MAP2K4: variants seen among roughly 807,000 people sequenced by gnomAD.
The protein encoded by MAP2K4 is dual specificity mitogen-activated protein kinase kinase 4.
MAP2K4 carries 4 observed loss-of-function variants against 48.5 expected under a neutral mutation model. The observed-to-expected ratio is 0.08, with a 90% CI of 0.04 to 0.19. The LOEUF is 0.19. Ranked by LOEUF, MAP2K4 falls within the 10% of genes least tolerant of loss-of-function variation. The probability of loss-of-function intolerance (pLI) is 1.00; values close to 1 mark genes in which losing one functional copy is unlikely to be tolerated. For missense variants in MAP2K4, 258 were observed against 493.3 expected (o/e 0.52, Z 4.52); for synonymous variants, 166 against 173.1 (o/e 0.96, Z 0.32).
In MAP2K4 at chr17:12,141,862, T is replaced by A. The variant is rs193245128; in HGVS notation, c.*602T>A. The A allele has an allele frequency of 4.3e-6, 1 of 233,574 alleles. No homozygotes were observed. The highest frequency in any genetic ancestry group is 8.5e-6 in the Non-Finnish European group (1 of 118,102). 14.5% of individuals were successfully genotyped at this position (233,574 alleles called of 1,614,324 possible). On this transcript the variant is annotated 3_prime_UTR_variant, in exon 11 of 11. Transcript: ENST00000353533. Reference sequence around the variant, plus strand: ...TCAGCCAAATTTCCTGTTTGAAATATCATGTTAAATTAGAATGAATTTATC... The same window carrying A: ...TCAGCCAAATTTCCTGTTTGAAATAACATGTTAAATTAGAATGAATTTATC...
At chr17:12,042,232 A>G (rs1364916111) in intron 1 of MAP2K4, among the ~76,000 whole-genome samples, 2 of 151,824 alleles carry the variant, frequency 1.3e-5, no homozygotes, top group Non-Finnish European at 2.9e-5. Flanking sequence ...GGCTCTCTAA[A>G]TGGTCTTAAT....
At chr17:12,095,085 G>A (rs191769941) in intron 3 of MAP2K4, among the ~76,000 whole-genome samples, 12 of 152,216 alleles carry the variant, frequency 7.9e-5, no homozygotes, top group Admixed American at 3.9e-4. Flanking sequence ...ACTATTTCCC[G>A]TCTTTATGAA....
chr17:12,123,671 A>G (rs1033431067), intron 7 of MAP2K4, among the ~76,000 whole-genome samples: 2 of 152,064 alleles, frequency 1.3e-5, no homozygotes, highest in African/African-American at 2.4e-5. Flanking sequence ...ATTTTACACT[A>G]TACATTTTCT....
At chr17:12,106,675 C>T (rs1351313459) in intron 4 of MAP2K4, among the ~76,000 whole-genome samples, 1 of 151,998 alleles carries the variant, frequency 6.6e-6, no homozygotes, top group Non-Finnish European at 1.5e-5. Context: ...AAATAAGTAA[C>T]AACATACAGA....
intron 4 of MAP2K4, among the ~76,000 whole-genome samples, chr17:12,102,518 A>G (rs1971967505): frequency 6.6e-6 from 1 of 152,156 alleles, no homozygotes; most frequent in South Asian, 2.1e-4. Flanking sequence ...GACTTGCATC[A>G]TTGTAATGCT....
intron 2 of MAP2K4, among the ~76,000 whole-genome samples, chr17:12,073,966 G>T (rs1359209621): frequency 6.6e-6 from 1 of 151,908 alleles, no homozygotes; most frequent in East Asian, 1.9e-4. Flanking sequence ...TAGAGACGGG[G>T]GTTCACCATG....
At chr17:12,058,050 G>T (rs947044297) in intron 2 of MAP2K4, among the ~76,000 whole-genome samples, 1 of 151,438 alleles carries the variant, frequency 6.6e-6, no homozygotes, top group Non-Finnish European at 1.5e-5. Flanking sequence ...ACTTTTCTGT[G>T]AGTATTTTGA....
intron 1 of MAP2K4, chr17:12,021,251 C>T (rs1567619016): frequency 3.5e-6 from 1 of 282,690 alleles, no homozygotes; most frequent in Admixed American, 5.3e-5. Flanking sequence ...CTACCGGGCT[C>T]TCAGCAGGCC....
At chr17:12,129,414 C>T in intron 9 of MAP2K4, 127 bp downstream of exon 9, 1 of 1,050,746 alleles carries the variant, frequency 9.5e-7, no homozygotes, top group East Asian at 2.4e-5. Flanking sequence ...ACTTTTCAAG[C>T]TGGGACTCTG....
At chr17:12,101,477 T>C (rs1280550858) in intron 4 of MAP2K4, among the ~76,000 whole-genome samples, 1 of 152,100 alleles carries the variant, frequency 6.6e-6, no homozygotes, top group Non-Finnish European at 1.5e-5. Flanking sequence ...GTTTCGGCTC[T>C]TTCATATCCT....
At position 12,142,119 on chromosome 17, in the gene MAP2K4, A is replaced by T. The variant is rs1973393988; in HGVS notation, c.*859A>T. Reference sequence around the variant, plus strand: ...ACCAGGACTGAAAGAAGAAAACAGTACAGAAGGCAAAGTTTACAGATGTTT... The same window carrying T: ...ACCAGGACTGAAAGAAGAAAACAGTTCAGAAGGCAAAGTTTACAGATGTTT... On this transcript the variant is annotated 3_prime_UTR_variant, in exon 11 of 11. Transcript: ENST00000353533. 4.3e-6 allele frequency: 1 copy of T among 233,448 alleles called. No individual in the cohort carries two copies. The highest frequency in any genetic ancestry group is 8.5e-6 in the Non-Finnish European group (1 of 117,946). The allele number at this position is 233,448 out of a possible 1,614,324, so 14.5% of individuals were successfully genotyped here. A position where few individuals can be genotyped will look rare whatever the true frequency, so the allele number is the denominator to read the frequency against.
At chr17:12,122,136 C>T (rs1395710995) in intron 7 of MAP2K4, among the ~76,000 whole-genome samples, 1 of 152,212 alleles carries the variant, frequency 6.6e-6, no homozygotes, top group Non-Finnish European at 1.5e-5. Flanking sequence ...CAGATAGCTA[C>T]AGATAAAGTT....
Position 12,021,069 on chromosome 17 carries a change from C to G in MAP2K4, c.115+68C>G, listed in dbSNP as rs897319458. On this transcript the variant is annotated intron_variant, in intron 1 of 10. Coordinates refer to ENST00000353533, the MANE Select transcript of MAP2K4 (RefSeq NM_003010.4). ...GCAACCCGCGTCGTCGCGGCCTGCC[C>G]CAGCGGACGCCCCCGGACCCGGCTG... 14 of 951,440 alleles carry G rather than the reference C, an allele frequency of 1.5e-5. No individual in the cohort carries two copies. The African/African-American group carries it at 1.9e-4, about 13-fold the overall frequency. The allele number at this position is 951,440 out of a possible 1,614,324, so 58.9% of individuals were successfully genotyped here.
intron 2 of MAP2K4, among the ~76,000 whole-genome samples, chr17:12,065,303 G>T (rs372293713): frequency 2.8e-3 from 342 of 120,910 alleles, no homozygotes; most frequent in Non-Finnish European, 3.9e-3. Context: ...GGTGTTTGTT[G>T]TTTTTTTTTT....
At chr17:12,120,966 GTA>G (rs1287224771) in intron 7 of MAP2K4, among the ~76,000 whole-genome samples, 7 of 152,282 alleles carry the variant, frequency 4.6e-5, no homozygotes, top group African/African-American at 1.7e-4. Flanking sequence ...GTTTTTCACT[GTA>G]TTGATACGTC....
chr17:12,141,342 T>G lies in MAP2K4; in HGVS notation c.*82T>G. On this transcript the variant is annotated 3_prime_UTR_variant, in exon 11 of 11. Coordinates refer to ENST00000353533, the MANE Select transcript of MAP2K4 (RefSeq NM_003010.4). ...AATTTTCATCCCGTATCACAGTGTT[T>G]TTATTGCTCGCCCAGACACCATGTG... 1.0e-6 allele frequency: 1 copy of G among 971,892 alleles called. No individual in the cohort carries two copies. The highest frequency in any genetic ancestry group is 1.7e-6 in the Non-Finnish European group (1 of 600,058). The allele number at this position is 971,892 out of a possible 1,614,324, so 60.2% of individuals were successfully genotyped here. A position where few individuals can be genotyped will look rare whatever the true frequency, so the allele number is the denominator to read the frequency against.
chr17:12,033,732 G>A (rs972088198), intron 1 of MAP2K4, among the ~76,000 whole-genome samples: 14 of 152,130 alleles, frequency 9.2e-5, no homozygotes, highest in Admixed American at 5.2e-4. Flanking sequence ...CAAAATGTCT[G>A]CTTAATATTT....
chr17:12,064,133 C>T (rs1237473210), intron 2 of MAP2K4, among the ~76,000 whole-genome samples: 2 of 151,886 alleles, frequency 1.3e-5, no homozygotes, highest in East Asian at 1.9e-4. Flanking sequence ...CAAAACAACC[C>T]AGTTTACTTT....
chr17:12,096,217 C>T (rs975650168), intron 4 of MAP2K4, among the ~76,000 whole-genome samples: 2 of 151,986 alleles, frequency 1.3e-5, no homozygotes, highest in Non-Finnish European at 2.9e-5. Flanking sequence ...TTAACAATTA[C>T]AATATAAATT....
Sources: allele counts gnomAD v4.1 joint callset (sites outside exome capture counted in the v4.1 genomes callset), GRCh38; gene constraint gnomAD v4.1.1; transcripts MANE v1.5; gene names NCBI Gene and HGNC (gene_info 2026-07-23, HGNC 2026-07-21).